Variants in PCDH15 observed in about 807,000 individuals in gnomAD.
The protein encoded by PCDH15 is protocadherin related 15.
In PCDH15, 129 loss-of-function variants were observed where a neutral mutation model predicts 178.5. The ratio of observed to expected loss-of-function variants is 0.72; its 90% CI spans 0.63 to 0.84. PCDH15 has a LOEUF of 0.84. Ranked by LOEUF, PCDH15 falls within the 40% of genes least tolerant of loss-of-function variation. PCDH15 has a pLI of 0.00. For synonymous variants in PCDH15, 800 were observed against 732.0 expected (o/e 1.09, Z -1.50); for missense variants, 2,230 against 2,099.9 (o/e 1.06, Z -1.21).
At chr10:54,796,692 A>G (rs1199402291) in intron 1 of PCDH15, among the ~76,000 whole-genome samples, 1 of 150,774 alleles carries the variant, frequency 6.6e-6, no homozygotes, top group Non-Finnish European at 1.5e-5. Context: ...TTTCCCTGTG[A>G]GTCTCTCTCA....
intron 2 of PCDH15, among the ~76,000 whole-genome samples, chr10:55,149,942 G>A (rs1213706075): frequency 1.3e-5 from 2 of 151,864 alleles, no homozygotes; most frequent in African/African-American, 4.8e-5. Flanking sequence ...AAAATTGGGA[G>A]CATTCTCACC....
chr10:54,903,135 G>A (rs1164071587), intron 2 of PCDH15, among the ~76,000 whole-genome samples: 1 of 152,020 alleles, frequency 6.6e-6, no homozygotes, highest in Admixed American at 6.6e-5. Flanking sequence ...AAAGATGACG[G>A]TTGGAGGTAT....
intron 15 of PCDH15, among the ~76,000 whole-genome samples, chr10:54,104,194 T>G (rs1244776647): frequency 1.3e-5 from 2 of 152,124 alleles, no homozygotes; most frequent in African/African-American, 4.8e-5. Context: ...CAGCATGGAT[T>G]AGAGAGAGGA....
intron 1 of PCDH15, among the ~76,000 whole-genome samples, chr10:55,256,891 C>T (rs6481152): frequency 0.68 from 102,885 of 152,024 alleles, 34,946 homozygotes; most frequent in East Asian, 0.84. Context: ...TCTCCCAGTA[C>T]GCAGCTGGAG....
chr10:54,464,041 G>A (rs887827345), intron 3 of PCDH15, among the ~76,000 whole-genome samples: 2 of 151,864 alleles, frequency 1.3e-5, no homozygotes, highest in East Asian at 1.9e-4. Flanking sequence ...GGTTTGTGGC[G>A]GTTTAGGAAG....
intron 8 of PCDH15, among the ~76,000 whole-genome samples, chr10:54,239,356 C>T (rs2054984538): frequency 6.6e-6 from 1 of 150,770 alleles, no homozygotes; most frequent in Admixed American, 6.6e-5. Flanking sequence ...CAAACAAAAC[C>T]AAGAGGAAGG....
intron 2 of PCDH15, among the ~76,000 whole-genome samples, chr10:55,126,036 G>T (rs547232186): frequency 6.6e-6 from 1 of 152,098 alleles, no homozygotes; most frequent in Admixed American, 6.6e-5. Flanking sequence ...TGAGTAAGGG[G>T]ATACTCACAG....
At chr10:54,593,696 C>T (rs2092028727) in intron 2 of PCDH15, among the ~76,000 whole-genome samples, 1 of 151,742 alleles carries the variant, frequency 6.6e-6, no homozygotes, top group Non-Finnish European at 1.5e-5. Flanking sequence ...AATTTTTTTT[C>T]CTATTTCTGT....
chr10:54,876,918 G>A (rs1954155282), intron 3 of PCDH15, among the ~76,000 whole-genome samples: 1 of 152,118 alleles, frequency 6.6e-6, no homozygotes, highest in Non-Finnish European at 1.5e-5. Context: ...TCCTGTTTTG[G>A]TTAAAATGCT....
chr10:54,989,675 A>G (rs777070678), intron 2 of PCDH15, among the ~76,000 whole-genome samples: 4 of 152,092 alleles, frequency 2.6e-5, no homozygotes, highest in Non-Finnish European at 5.9e-5. Context: ...TAATTTATTT[A>G]CTCAGATGAA....
chr10:55,467,763 A>T (rs1208632989), intron 2 of PCDH15, among the ~76,000 whole-genome samples: 1 of 151,822 alleles, frequency 6.6e-6, no homozygotes, highest in Non-Finnish European at 1.5e-5. Flanking sequence ...CAGGAGATCG[A>T]GATCATCCTC....
chr10:53,904,917 T>A (rs1292538046), intron 25 of PCDH15, among the ~76,000 whole-genome samples: 3 of 150,870 alleles, frequency 2.0e-5, no homozygotes, highest in Admixed American at 1.3e-4. Flanking sequence ...TTTTCAGAAC[T>A]CTTAGAGTGA....
chr10:55,041,232 G>A (rs952565598), intron 2 of PCDH15, among the ~76,000 whole-genome samples: 1 of 151,918 alleles, frequency 6.6e-6, no homozygotes, highest in Non-Finnish European at 1.5e-5. Flanking sequence ...AAAACAGAAA[G>A]GCAAAAATGC....
At chr10:55,566,904 G>T (rs1842313482) in intron 2 of PCDH15, among the ~76,000 whole-genome samples, 1 of 151,774 alleles carries the variant, frequency 6.6e-6, no homozygotes, top group Non-Finnish European at 1.5e-5. Context: ...AAATCCCAAT[G>T]ATGCCTTAAA....
intron 8 of PCDH15, among the ~76,000 whole-genome samples, chr10:54,309,973 G>A (rs1194345978): frequency 6.6e-6 from 1 of 152,056 alleles, no homozygotes; most frequent in Non-Finnish European, 1.5e-5. Context: ...GGATCACAAA[G>A]AGAAACTATT....
chr10:55,436,917 T>G (rs765203022), intron 2 of PCDH15, among the ~76,000 whole-genome samples: 1 of 152,198 alleles, frequency 6.6e-6, no homozygotes, highest in Non-Finnish European at 1.5e-5. Context: ...AAGGGTTATC[T>G]TCTGTTAAAA....
chr10:55,313,457 G>A (rs1200880987), intron 1 of PCDH15, among the ~76,000 whole-genome samples: 1 of 152,130 alleles, frequency 6.6e-6, no homozygotes, highest in Non-Finnish European at 1.5e-5. Flanking sequence ...AGAAAATTTT[G>A]TGTAAAGGTT....
intron 21 of PCDH15, among the ~76,000 whole-genome samples, chr10:53,976,895 C>T (rs2610895): frequency 0.47 from 70,845 of 150,640 alleles, 16,882 homozygotes; most frequent in Middle Eastern, 0.64. Context: ...AACCATCGGG[C>T]CTCCCAGAGA....
chr10:53,885,106 G>A (rs2080997931), intron 26 of PCDH15, among the ~76,000 whole-genome samples: 1 of 151,956 alleles, frequency 6.6e-6, no homozygotes, highest in Non-Finnish European at 1.5e-5. Flanking sequence ...TTGAAAAATG[G>A]CAATGTTGAC....
Sources: gnomAD v4.1 joint callset for allele counts (sites outside exome capture counted in the v4.1 genomes callset) on GRCh38, gnomAD v4.1.1 for gene constraint, MANE v1.5 for transcripts, NCBI Gene and HGNC (gene_info 2026-07-23, HGNC 2026-07-21) for gene names.